ZNF267: variants seen among roughly 807,000 people sequenced by gnomAD.
ZNF267 encodes the protein zinc finger (C2H2).
In ZNF267, 61 loss-of-function variants were observed where a neutral mutation model predicts 71.6. The ratio of observed to expected loss-of-function variants is 0.85; its 90% CI spans 0.69 to 1.05. The LOEUF is 1.05. Among genes scored for constraint, ZNF267 ranks in the 50% least tolerant of loss-of-function variants. ZNF267 has a pLI of 0.00. For synonymous variants in ZNF267, 288 were observed against 293.2 expected, an observed-to-expected ratio of 0.98 and a Z score of 0.18; for missense variants, 852 against 870.0, an observed-to-expected ratio of 0.98 and a Z score of 0.26.
At chr16:31,883,009 C>T (rs2083900394) in intron 1 of ZNF267, among the ~76,000 whole-genome samples, 1 of 152,148 alleles carries the variant, frequency 6.6e-6, no homozygotes, top group Admixed American at 6.5e-5. Context: ...CATTTGTTGA[C>T]AGGAGATAAC....
chr16:31,907,429 G>A (rs1471948521), intron 3 of ZNF267, among the ~76,000 whole-genome samples: 1 of 151,952 alleles, frequency 6.6e-6, no homozygotes, highest in African/African-American at 2.4e-5. Context: ...AAGTGTGCTG[G>A]GGATTTTTTA....
intron 3 of ZNF267, among the ~76,000 whole-genome samples, chr16:31,911,544 A>G (rs1045396734): frequency 1.3e-5 from 2 of 151,078 alleles, no homozygotes; most frequent in African/African-American, 2.5e-5. Flanking sequence ...TTTTCAGTCT[A>G]TGTGTATCTT....
intron 3 of ZNF267, among the ~76,000 whole-genome samples, chr16:31,903,572 C>T (rs540454775): frequency 1.3e-5 from 2 of 151,964 alleles, no homozygotes; most frequent in Non-Finnish European, 2.9e-5. Flanking sequence ...AGTTTATTTG[C>T]GTAGAGGTGT....
chr16:31,877,627 C>T (rs1385681713), intron 1 of ZNF267, among the ~76,000 whole-genome samples: 1 of 152,116 alleles, frequency 6.6e-6, no homozygotes, highest in Non-Finnish European at 1.5e-5. Flanking sequence ...ACACTGAAGA[C>T]AGAGCTGTTC....
Position 31,914,494 on chromosome 16 carries a change from A to G in ZNF267, c.245A>G (p.Asn82Ser), listed in dbSNP as rs2084157430. The G allele has an allele frequency of 6.3e-7, 1 of 1,589,458 alleles. No homozygotes were observed. The highest frequency in any genetic ancestry group is 8.5e-7 in the Non-Finnish European group (1 of 1,170,944). ...CTTTCAGATGTGTTTTCGCATTATAACAAGGACCTGTTGACAGAGCACTGC... is the reference window on the plus strand; with the variant it reads ...CTTTCAGATGTGTTTTCGCATTATAGCAAGGACCTGTTGACAGAGCACTGC... ...AIQPDVFSHY[N>S]KDLLTEHCTE... Residue 82 changes from asparagine to serine, a missense_variant, in exon 4 of 4, where the codon AAC becomes AGC. Asn to Ser is a conservative substitution (Grantham distance 46). Coordinates refer to ENST00000300870, the MANE Select transcript of ZNF267 (RefSeq NM_003414.6).
At chr16:31,887,014 G>A (rs2083928682) in intron 3 of ZNF267, among the ~76,000 whole-genome samples, 1 of 152,058 alleles carries the variant, frequency 6.6e-6, no homozygotes, top group Non-Finnish European at 1.5e-5. Flanking sequence ...TCCACACTCT[G>A]ACTCTTAATA....
At chr16:31,886,453 C>G (rs1257577124) in intron 3 of ZNF267, among the ~76,000 whole-genome samples, 1 of 152,104 alleles carries the variant, frequency 6.6e-6, no homozygotes, top group East Asian at 1.9e-4. Flanking sequence ...AGTGTGAACC[C>G]TTTTGTGAAC....
At position 31,915,087 on chromosome 16, in the gene ZNF267, T is replaced by A; in HGVS notation, c.838T>A (p.Leu280Ile). 1 of 1,613,650 alleles carries A rather than the reference T, an allele frequency of 6.2e-7. No individual in the cohort carries two copies. Among genetic ancestry groups the A allele is most frequent in the Non-Finnish European group, 8.5e-7 (1 of 1,179,842 alleles). The change falls in exon 4 of 4, where the codon TTA becomes ATA. Residue 280 changes from leucine (L) to isoleucine (I), a missense_variant. Physicochemically the swap from Leu to Ile is conservative, Grantham distance 5 (BLOSUM62 2). Coordinates refer to ENST00000300870, the MANE Select transcript of ZNF267 (RefSeq NM_003414.6). ...ATGTGTAGAAGTTTGTACCCAGTCA[T>A]TAAAACATATTCAACATCAGACCAT... ...NKCVEVCTQS[L>I]KHIQHQTIHI...
At chr16:31,894,424 T>A (rs1253939648) in intron 3 of ZNF267, 1 of 411,914 alleles carries the variant, frequency 2.4e-6, no homozygotes, top group Non-Finnish European at 4.6e-6. Context: ...TTCTTGTTCA[T>A]GGTTTATGTT....
At chr16:31,891,946 C>G (rs981619892) in intron 3 of ZNF267, among the ~76,000 whole-genome samples, 1 of 152,110 alleles carries the variant, frequency 6.6e-6, no homozygotes, top group African/African-American at 2.4e-5. Flanking sequence ...CAGAAGAAGA[C>G]AGGAAAATGT....
Position 31,916,403 on chromosome 16 carries a change from T to C in ZNF267, c.2154T>C (p.Cys718=). The change falls in exon 4 of 4, where the codon TGT becomes TGC. Residue 718 remains cysteine, a synonymous_variant. Coordinates refer to ENST00000300870, the MANE Select transcript of ZNF267 (RefSeq NM_003414.6). ...ATAGTGGAGAGAGACCCTACAAATGTGAAGAATGTGGCAAAGCCTTTAACT... is the reference window on the plus strand; with the variant it reads ...ATAGTGGAGAGAGACCCTACAAATGCGAAGAATGTGGCAAAGCCTTTAACT... ...RSHSGERPYK[C]EECGKAFNSR... The C allele has an allele frequency of 6.2e-7, 1 of 1,614,160 alleles. No individual in the cohort carries two copies. Among genetic ancestry groups the C allele is most frequent in the Non-Finnish European group, 8.5e-7 (1 of 1,180,006 alleles).
Position 31,915,940 on chromosome 16 carries a change from T to A in ZNF267, c.1691T>A (p.Ile564Asn). The change falls in exon 4 of 4, where the codon ATT (isoleucine) becomes AAT (asparagine). Residue 564 changes from isoleucine to asparagine, a missense_variant. By Grantham distance (149) the Ile-to-Asn change is moderately radical. Coordinates refer to ENST00000300870, the MANE Select transcript of ZNF267 (RefSeq NM_003414.6). ...GCCTTTCCTTATAGTTCACACCTTATTCGACATCATCGAATTCATACTGGA... is the reference window on the plus strand; with the variant it reads ...GCCTTTCCTTATAGTTCACACCTTAATCGACATCATCGAATTCATACTGGA... ...GKAFPYSSHL[I>N]RHHRIHTGEK... 6.2e-7 allele frequency: 1 copy of A among 1,613,668 alleles called. No homozygotes were observed. Among genetic ancestry groups the A allele is most frequent in the Non-Finnish European group, 8.5e-7 (1 of 1,179,886 alleles).
intron 3 of ZNF267, among the ~76,000 whole-genome samples, chr16:31,889,590 A>G (rs949526559): frequency 2.6e-5 from 4 of 152,208 alleles, no homozygotes; most frequent in South Asian, 2.1e-4. Flanking sequence ...TAATTGGTCT[A>G]CAGTTCTGCA....
chr16:31,903,664 T>A (rs904083940), intron 3 of ZNF267, among the ~76,000 whole-genome samples: 4 of 152,236 alleles, frequency 2.6e-5, no homozygotes, highest in Non-Finnish European at 5.9e-5. Context: ...TGCATCTATT[T>A]GATTCTTCTC....
intron 3 of ZNF267, among the ~76,000 whole-genome samples, chr16:31,904,385 G>A (rs571034270): frequency 6.6e-6 from 1 of 152,326 alleles, no homozygotes; most frequent in Admixed American, 6.5e-5. Context: ...TTGACAATGG[G>A]TTGTTAAATC....
intron 3 of ZNF267, among the ~76,000 whole-genome samples, chr16:31,893,892 C>T (rs1194905966): frequency 1.3e-5 from 2 of 152,194 alleles, no homozygotes; most frequent in African/African-American, 4.8e-5. Context: ...TCATGTGTCA[C>T]AGACAGGACC....
chr16:31,875,105 GGAAA>G (rs1163731607), intron 1 of ZNF267: 1 of 1,288,056 alleles, frequency 7.8e-7, no homozygotes, highest in Non-Finnish European at 1.0e-6. Flanking sequence ...ACACGTTATC[GGAAA>G]GAATGTCTTT....
intron 1 of ZNF267, chr16:31,875,312 T>G (rs2083844552): frequency 1.6e-6 from 2 of 1,288,744 alleles, no homozygotes; most frequent in African/African-American, 1.5e-5. Flanking sequence ...GGTATGGAAA[T>G]GTAGTCCCTC....
intron 1 of ZNF267, among the ~76,000 whole-genome samples, chr16:31,876,701 T>C (rs2083854816): frequency 6.6e-6 from 1 of 152,274 alleles, no homozygotes; most frequent in African/African-American, 2.4e-5. Flanking sequence ...TCCTTTATTC[T>C]ATAAACACTG....
Sources: allele counts gnomAD v4.1 joint callset (sites outside exome capture counted in the v4.1 genomes callset), GRCh38; gene constraint gnomAD v4.1.1; transcripts MANE v1.5; gene names NCBI Gene and HGNC (gene_info 2026-07-23, HGNC 2026-07-21).